METTL16: variants seen among roughly 807,000 people sequenced by gnomAD.
METTL16 encodes the protein RNA N(6)-adenosine-methyltransferase METTL16.
Under a neutral mutation model 57.9 loss-of-function variants are expected in METTL16, and 19 were observed. The ratio of observed to expected loss-of-function variants is 0.33; its 90% confidence interval spans 0.23 to 0.48. The LOEUF is 0.48. Among genes scored for constraint, METTL16 ranks in the 20% least tolerant of loss-of-function variants. The pLI is 0.99. For missense variants in METTL16, 434 were observed against 691.5 expected, an observed-to-expected ratio of 0.63 and a Z score of 4.18; for synonymous variants, 246 against 255.6, an observed-to-expected ratio of 0.96 and a Z score of 0.36.
At chr17:2,504,399 T>A (rs1280257135) in intron 1 of METTL16, among the ~76,000 whole-genome samples, 2 of 152,234 alleles carry the variant, frequency 1.3e-5, no homozygotes, top group Admixed American at 6.5e-5. Context: ...TCCATGATTT[T>A]AAAAATGCAG....
At chr17:2,497,057 C>G (rs145004223) in intron 2 of METTL16, among the ~76,000 whole-genome samples, 4,190 of 151,644 alleles carry the variant, frequency 0.028, 212 homozygotes, top group African/African-American at 0.07. Context: ...CCAGGTTGCA[C>G]TGCAGTGGCA....
At chr17:2,429,478 G>A (rs916107762) in intron 8 of METTL16, among the ~76,000 whole-genome samples, 4 of 150,444 alleles carry the variant, frequency 2.7e-5, no homozygotes, top group African/African-American at 9.8e-5. Flanking sequence ...GTGAGCCACT[G>A]TGCTCGGCCA....
At position 2,507,375 on chromosome 17, in the gene METTL16, TG is replaced by T. The variant is rs1170741240; in HGVS notation, c.-1+4383del. On this transcript the variant is annotated intron_variant, in intron 1 of 9. Coordinates refer to ENST00000263092, the MANE Select transcript of METTL16 (RefSeq NM_024086.4). Reference sequence around the variant, plus strand: ...CCAGCCACCCCGTCCGGGAGGGAGGTGGGGGGGTCAGCCCCCAGCCCGGCCA... The same window carrying T: ...CCAGCCACCCCGTCCGGGAGGGAGGTGGGGGGTCAGCCCCCAGCCCGGCCA... 3.3e-5 allele frequency among the ~76,000 whole-genome samples: 4 copies of T among 120,538 alleles called. No individual in the cohort carries two copies. The East Asian group carries it at 8.2e-4, about 25-fold the overall frequency. 79.1% of individuals were successfully genotyped at this position (120,538 alleles called of 152,430 possible).
Position 2,455,945 on chromosome 17 carries a change from T to C in METTL16, c.728+8263A>G, listed in dbSNP as rs555534089. Among the ~76,000 whole-genome samples, 5 of 152,206 alleles carry C rather than the reference T, an allele frequency of 3.3e-5. No homozygotes were observed. In the South Asian group the frequency reaches 1.0e-3, roughly 32 times the overall value. On this transcript the variant is annotated intron_variant, in intron 6 of 9. Transcript: ENST00000263092. Reference sequence around the variant, plus strand: ...CTGCAGTGAGCCGTGATCATGCCACTGCACTCTAGTCTGGGTGACAGAGCA... The same window carrying C: ...CTGCAGTGAGCCGTGATCATGCCACCGCACTCTAGTCTGGGTGACAGAGCA...
intron 6 of METTL16, among the ~76,000 whole-genome samples, chr17:2,452,735 CTGTG>C (rs750591520): frequency 1.3e-5 from 2 of 152,192 alleles, no homozygotes; most frequent in Non-Finnish European, 2.9e-5. Context: ...TTCCTTCATT[CTGTG>C]TGTATGTGTT....
intron 6 of METTL16, among the ~76,000 whole-genome samples, chr17:2,449,949 C>T (rs1434454265): frequency 6.6e-6 from 1 of 152,182 alleles, no homozygotes; most frequent in Non-Finnish European, 1.5e-5. Flanking sequence ...ATACCACTAC[C>T]TACCCGTTAG....
At chr17:2,490,661 G>C (rs2067381131) in intron 2 of METTL16, among the ~76,000 whole-genome samples, 1 of 152,072 alleles carries the variant, frequency 6.6e-6, no homozygotes, top group South Asian at 2.1e-4. Flanking sequence ...ACAGGTCCTT[G>C]GTTCTAGAAT....
intron 8 of METTL16, among the ~76,000 whole-genome samples, chr17:2,429,222 T>C (rs952672848): frequency 6.4e-5 from 9 of 139,652 alleles, no homozygotes; most frequent in Admixed American, 1.5e-4. Context: ...TTTGGAGATG[T>C]AGTCTCACCC....
At chr17:2,447,772 C>G (rs1412001757) in intron 6 of METTL16, among the ~76,000 whole-genome samples, 1 of 130,998 alleles carries the variant, frequency 7.6e-6, no homozygotes, top group Admixed American at 7.1e-5. Flanking sequence ...CAGCCCCCCG[C>G]CCGGCCAGCC....
At chr17:2,441,998 G>A (rs1348045932) in intron 6 of METTL16, among the ~76,000 whole-genome samples, 1 of 152,214 alleles carries the variant, frequency 6.6e-6, no homozygotes, top group Non-Finnish European at 1.5e-5. Context: ...TTTAAGGATA[G>A]ATAATGCATT....
intron 2 of METTL16, among the ~76,000 whole-genome samples, chr17:2,479,697 A>G (rs2067291132): frequency 6.6e-6 from 1 of 152,136 alleles, no homozygotes; most frequent in Non-Finnish European, 1.5e-5. Flanking sequence ...CCAAGACAGA[A>G]GGAAGAGTGC....
At chr17:2,463,751 C>A (rs933327067) in intron 6 of METTL16, among the ~76,000 whole-genome samples, 1 of 151,956 alleles carries the variant, frequency 6.6e-6, no homozygotes, top group Admixed American at 6.6e-5. Flanking sequence ...TGAGCCACCA[C>A]GCCCAGCCTG....
At chr17:2,492,298 G>A (rs899807716) in intron 2 of METTL16, among the ~76,000 whole-genome samples, 1 of 152,168 alleles carries the variant, frequency 6.6e-6, no homozygotes, top group Non-Finnish European at 1.5e-5. Context: ...CTAAATTGTA[G>A]GCTGTCCCTA....
chr17:2,503,188 G>A (rs1009845687), intron 1 of METTL16, among the ~76,000 whole-genome samples: 2 of 152,174 alleles, frequency 1.3e-5, no homozygotes, highest in African/African-American at 2.4e-5. Context: ...GAAAAGGTGG[G>A]AAACAATCTG....
At chr17:2,504,004 C>T (rs7226226) in intron 1 of METTL16, among the ~76,000 whole-genome samples, 81,237 of 151,964 alleles carry the variant, frequency 0.53, 24,261 homozygotes, top group Non-Finnish European at 0.68. Flanking sequence ...CAAGAAAATA[C>T]GGTATATACA....
At chr17:2,460,624 G>T (rs747438008) in intron 6 of METTL16, among the ~76,000 whole-genome samples, 5 of 152,056 alleles carry the variant, frequency 3.3e-5, no homozygotes, top group Admixed American at 2.0e-4. Context: ...GGTGGCTCAC[G>T]CCTGTAATCC....
intron 2 of METTL16, among the ~76,000 whole-genome samples, chr17:2,493,520 A>C (rs201808282): frequency 6.6e-6 from 1 of 151,842 alleles, no homozygotes; most frequent in East Asian, 1.9e-4. Flanking sequence ...GGAGTTCGAG[A>C]CCAGCCTAAC....
chr17:2,447,946 A>G (rs1597448455), intron 6 of METTL16, among the ~76,000 whole-genome samples: 2 of 84,506 alleles, frequency 2.4e-5, no homozygotes, highest in Non-Finnish European at 2.3e-5. Context: ...TCCGGGAGGG[A>G]GGTGGGGGGA....
chr17:2,477,941 A>T (rs149684211), intron 2 of METTL16, 56 bp from the exon 3 acceptor site: 1 of 1,479,738 alleles, frequency 6.8e-7, no homozygotes, highest in African/African-American at 1.4e-5. Flanking sequence ...TATGTTGTAC[A>T]AGCTCTACGG....
Sources: allele counts gnomAD v4.1 joint callset (sites outside exome capture counted in the v4.1 genomes callset), GRCh38; gene constraint gnomAD v4.1.1; transcripts MANE v1.5; gene names NCBI Gene and HGNC (gene_info 2026-07-23, HGNC 2026-07-21).